The following ST3GAL1 variants were observed in gnomAD, a reference collection of about 807,000 sequenced individuals.
ST3GAL1 encodes the protein ST3 beta-galactoside alpha-2,3-sialyltransferase 1.
ST3GAL1 carries 16 observed loss-of-function variants against 34.1 expected under a neutral mutation model. The observed-to-expected ratio is 0.47, with a 90% confidence interval of 0.32 to 0.71. The LOEUF (loss-of-function observed/expected upper bound fraction) is 0.71, where lower values mean the gene tolerates loss of function less well. ST3GAL1 is among the 30% of genes least tolerant of loss of function. ST3GAL1 has a pLI of 0.04. For synonymous variants in ST3GAL1, 191 were observed against 184.7 expected (o/e 1.03, Z -0.28); for missense variants, 353 against 447.4 (o/e 0.79, Z 1.90).
intron 2 of ST3GAL1, among the ~76,000 whole-genome samples, chr8:133,524,088 C>T (rs945290168): frequency 6.6e-6 from 1 of 152,182 alleles, no homozygotes; most frequent in Non-Finnish European, 1.5e-5. Flanking sequence ...TTTTGTTACA[C>T]AGCAAAAACT....
chr8:133,540,746 C>T (rs5895195), intron 2 of ST3GAL1, among the ~76,000 whole-genome samples: 4 of 49,262 alleles, frequency 8.1e-5, no homozygotes, highest in Non-Finnish European at 1.1e-4. Flanking sequence ...TATATATAGA[C>T]ATATATATAT....
intron 1 of ST3GAL1, among the ~76,000 whole-genome samples, chr8:133,546,344 A>G (rs1818668681): frequency 1.3e-5 from 2 of 152,046 alleles, no homozygotes; most frequent in African/African-American, 4.8e-5. Context: ...TTAGCTGGGC[A>G]TGGTGGCGCA....
intron 3 of ST3GAL1, among the ~76,000 whole-genome samples, chr8:133,486,023 C>A (rs75981589): frequency 6.6e-6 from 1 of 152,198 alleles, no homozygotes; most frequent in Non-Finnish European, 1.5e-5. Flanking sequence ...AGCACAATAC[C>A]GGTGCACATT....
chr8:133,529,373 C>T (rs1818076539), intron 2 of ST3GAL1, among the ~76,000 whole-genome samples: 1 of 152,194 alleles, frequency 6.6e-6, no homozygotes, highest in Admixed American at 6.5e-5. Flanking sequence ...GAAGGTGCTG[C>T]TACCGAGCAA....
At chr8:133,504,105 G>C (rs988257557) in intron 2 of ST3GAL1, among the ~76,000 whole-genome samples, 3 of 152,154 alleles carry the variant, frequency 2.0e-5, no homozygotes, top group African/African-American at 7.2e-5. Flanking sequence ...GCCCAGCATG[G>C]AAGGTGGGGA....
chr8:133,546,670 A>T (rs1285868649), intron 1 of ST3GAL1, among the ~76,000 whole-genome samples: 1 of 152,152 alleles, frequency 6.6e-6, no homozygotes, highest in Admixed American at 6.5e-5. Context: ...GGGTTAGGAT[A>T]AATCAGGCTG....
chr8:133,474,246 C>G (rs1269008998), intron 5 of ST3GAL1, among the ~76,000 whole-genome samples: 1 of 152,148 alleles, frequency 6.6e-6, no homozygotes, highest in Non-Finnish European at 1.5e-5. Context: ...GACATGAAGA[C>G]CATCGCTCCT....
chr8:133,482,034 C>T (rs781260977), intron 3 of ST3GAL1, among the ~76,000 whole-genome samples: 1 of 152,020 alleles, frequency 6.6e-6, no homozygotes, highest in Non-Finnish European at 1.5e-5. Context: ...CCCCACCTTG[C>T]GAGACTGCCA....
At chr8:133,522,060 A>C (rs1817827411) in intron 2 of ST3GAL1, among the ~76,000 whole-genome samples, 1 of 152,210 alleles carries the variant, frequency 6.6e-6, no homozygotes, top group Admixed American at 6.5e-5. Context: ...GTGCCTTTAT[A>C]ATCTTCTCCA....
Position 133,476,049 on chromosome 8 carries a change from C to T in ST3GAL1, c.-25G>A, listed in dbSNP as rs376659488. 1 of 1,533,208 alleles carries T rather than the reference C, an allele frequency of 6.5e-7. No individual in the cohort carries two copies. The highest frequency in any genetic ancestry group is 1.4e-5 in the African/African-American group (1 of 72,460). The allele number at this position is 1,533,208 out of a possible 1,614,324, so 95.0% of individuals were successfully genotyped here. ...TCTTCGCAGTCCTGATGGTGGCCTCCCACGATGGGTAGCAGGAACTCCCTC... is the reference window on the plus strand; with the variant it reads ...TCTTCGCAGTCCTGATGGTGGCCTCTCACGATGGGTAGCAGGAACTCCCTC... On this transcript the variant is annotated 5_prime_UTR_variant, in exon 5 of 10. Coordinates refer to ENST00000522652, the MANE Select transcript of ST3GAL1 (RefSeq NM_173344.3).
chr8:133,543,870 T>C (rs1478391512), intron 2 of ST3GAL1, among the ~76,000 whole-genome samples: 1 of 152,198 alleles, frequency 6.6e-6, no homozygotes, highest in Non-Finnish European at 1.5e-5. Flanking sequence ...TTAATACTAC[T>C]ATTTGTGTTA....
intron 2 of ST3GAL1, among the ~76,000 whole-genome samples, chr8:133,545,402 T>C (rs746461338): frequency 2.6e-5 from 4 of 152,242 alleles, no homozygotes; most frequent in African/African-American, 4.8e-5. Flanking sequence ...AGTTTGCTGA[T>C]GCTTGCTCTA....
At chr8:133,542,094 C>T (rs562000757) in intron 2 of ST3GAL1, among the ~76,000 whole-genome samples, 17 of 136,390 alleles carry the variant, frequency 1.2e-4, no homozygotes, top group East Asian at 4.7e-4. Context: ...TGTGATACAC[C>T]ACACACACAC....
chr8:133,486,477 A>G (rs1476882285), intron 3 of ST3GAL1, among the ~76,000 whole-genome samples: 1 of 152,102 alleles, frequency 6.6e-6, no homozygotes, highest in Non-Finnish European at 1.5e-5. Context: ...GACCCACTCA[A>G]CGCCGCTCTC....
intron 3 of ST3GAL1, among the ~76,000 whole-genome samples, chr8:133,481,515 A>G (rs1275405773): frequency 6.6e-6 from 1 of 151,966 alleles, no homozygotes; most frequent in East Asian, 1.9e-4. Context: ...TTTGGTTTTG[A>G]GATAGAGTCT....
chr8:133,541,120 T>TATATATATATATAGAGAGAG (rs71299078), intron 2 of ST3GAL1, among the ~76,000 whole-genome samples: 1 of 48,628 alleles, frequency 2.1e-5, no homozygotes, highest in African/African-American at 9.9e-5. Context: ...TATATATATA[T>TATATATATATATAGAGAGAG]AGAGAGAGAG....
intron 3 of ST3GAL1, among the ~76,000 whole-genome samples, chr8:133,495,741 C>T (rs147150669): frequency 1.3e-5 from 2 of 152,336 alleles, no homozygotes; most frequent in Admixed American, 6.5e-5. Context: ...TGTCCTATAT[C>T]GTAACCCATA....
rs1368661752 is a variant in ST3GAL1, at chr8:133,541,046, T to C, written c.-429+4728A>G. Among the ~76,000 whole-genome samples the C allele has an allele frequency of 2.1e-5, 2 of 95,020 alleles. 1 individual carries two copies. The highest frequency in any genetic ancestry group is 7.1e-4 in the East Asian group (2 of 2,834). The allele number at this position is 95,020 out of a possible 152,430, so 62.3% of individuals were successfully genotyped here. ...ACATATATATAGACATATATAGACA[T>C]ATATATAGACATATATATATAGACA... On this transcript the variant is annotated intron_variant, in intron 2 of 9. Transcript: ENST00000522652.
chr8:133,455,104 A>G lies in ST3GAL1; in HGVS notation c.*4660T>C, dbSNP rs891109397. On this transcript the variant is annotated 3_prime_UTR_variant, in exon 10 of 10. Coordinates refer to ENST00000522652, the MANE Select transcript of ST3GAL1 (RefSeq NM_173344.3). ...TCAAGAAACTTTGGCTTTGAAGGGA[A>G]TTCAGTGAAGGGAAGCGATTGTGCA... The G allele has an allele frequency of 6.6e-6, 1 of 152,308 alleles. No homozygotes were observed. Among genetic ancestry groups the G allele is most frequent in the Non-Finnish European group, 1.5e-5 (1 of 68,076 alleles). 9.4% of individuals were successfully genotyped at this position (152,308 alleles called of 1,614,324 possible).
Sources: allele counts gnomAD v4.1 joint callset (sites outside exome capture counted in the v4.1 genomes callset), GRCh38; gene constraint gnomAD v4.1.1; transcripts MANE v1.5; gene names NCBI Gene and HGNC (gene_info 2026-07-23, HGNC 2026-07-21).